The following ZNF577 variants were observed in gnomAD, a reference collection of about 807,000 sequenced individuals.
ZNF577 encodes zinc finger protein 577.
In ZNF577, 14 loss-of-function variants were observed where a neutral mutation model predicts 13.9. The observed-to-expected ratio is 1.00, with a 90% CI of 0.66 to 1.57. The LOEUF (loss-of-function observed/expected upper bound fraction) is 1.57. ZNF577 is among the 40% of genes most tolerant of loss of function. ZNF577 has a pLI of 0.00. For missense variants in ZNF577, 555 were observed against 579.2 expected (o/e 0.96, Z 0.43); for synonymous variants, 203 against 202.9 (o/e 1.00, Z 0.00).
At chr19:51,829,741 G>A (rs1485288453) in intron 9 of ZNF577, among the ~76,000 whole-genome samples, 2 of 152,186 alleles carry the variant, frequency 1.3e-5, no homozygotes, top group Non-Finnish European at 2.9e-5. Context: ...AAAGGATCAA[G>A]TCACCTAAGC....
chr19:51,850,424 T>C (rs2084373866), intron 5 of ZNF577, among the ~76,000 whole-genome samples: 1 of 152,206 alleles, frequency 6.6e-6, no homozygotes, highest in Admixed American at 6.5e-5. Context: ...ATTCTGCATA[T>C]TGTCGCAAAT....
At position 51,824,127 on chromosome 19, in the gene ZNF577, G is replaced by A; in HGVS notation, c.*600-12453C>T. Reference sequence around the variant, plus strand: ...CATTGCTCTGGACCGCTGTATTTGTGTCCTGCATCCAGCCTGGGCCCAGAA... The same window carrying A: ...CATTGCTCTGGACCGCTGTATTTGTATCCTGCATCCAGCCTGGGCCCAGAA... On this transcript the variant is annotated intron_variant and NMD_transcript_variant, in intron 9 of 10. Coordinates refer to the ZNF577 transcript ENST00000638827. The surrounding 1 kb of genome is among the most constrained non-coding windows in gnomAD (Gnocchi z 4.7). 3 of 1,613,922 alleles carry A rather than the reference G, an allele frequency of 1.9e-6. No individual in the cohort carries two copies. Among genetic ancestry groups the A allele is most frequent in the Non-Finnish European group, 2.5e-6 (3 of 1,179,904 alleles).
At chr19:51,883,748 A>G (rs2084900602) in intron 1 of ZNF577, among the ~76,000 whole-genome samples, 1 of 152,214 alleles carries the variant, frequency 6.6e-6, no homozygotes, top group Non-Finnish European at 1.5e-5. Flanking sequence ...ATGATCAGAA[A>G]AAAACTGAAT....
Position 51,878,407 on chromosome 19 carries a change from T to C in ZNF577, c.169A>G (p.Ile57Val), listed in dbSNP as rs1305576570. 2 of 1,614,128 alleles carry C rather than the reference T, an allele frequency of 1.2e-6. No individual in the cohort carries two copies. The highest frequency in any genetic ancestry group is 3.3e-5 in the Admixed American group (2 of 60,026). Residue 57 changes from isoleucine (I) to valine (V), a missense_variant, in exon 4 of 6, where the codon ATC (isoleucine) becomes GTC (valine). Coordinates refer to ENST00000638348, the MANE Select transcript of ZNF577 (RefSeq NM_001370449.1). ...TCCTTACCTATTGATACTAGGTTGA[T>C]GTAGTTCTCCAACATTACTTCCTTG... The part of the protein sequence containing the change: ...LYKEVMLENY[I>V]NLVSIGYRGT...
At position 51,871,772 on chromosome 19, in the gene ZNF577, AG is replaced by A. The variant is rs1438788350; in HGVS notation, c.*759del. ...ATTGGCCATTGCTGGTTTTGAAAGG[AG>A]GCCCCAAACCACAGAATTTGGGCAG... On this transcript the variant is annotated 3_prime_UTR_variant, in exon 6 of 6. Transcript: ENST00000638348. The A allele has an allele frequency of 3.9e-5, 6 of 152,116 alleles. No homozygotes were observed. Among genetic ancestry groups the A allele is most frequent in the African/African-American group, 1.4e-4 (6 of 41,408 alleles). 9.4% of individuals were successfully genotyped at this position (152,116 alleles called of 1,614,324 possible). A position where few individuals can be genotyped will look rare whatever the true frequency, so the allele number is the denominator to read the frequency against.
At chr19:51,826,382 A>G (rs1205420833) in intron 9 of ZNF577, among the ~76,000 whole-genome samples, 1 of 152,210 alleles carries the variant, frequency 6.6e-6, no homozygotes, top group Non-Finnish European at 1.5e-5. Context: ...TCTTTGTTAA[A>G]CATTTAGAAA....
chr19:51,820,113 G>C (rs544109713), intron 9 of ZNF577, among the ~76,000 whole-genome samples: 1 of 152,224 alleles, frequency 6.6e-6, no homozygotes. Context: ...CATCAGCTGA[G>C]AGTGGAATAG....
At chr19:51,840,442 G>C (rs955422926) in intron 8 of ZNF577, 2 of 152,358 alleles carry the variant, frequency 1.3e-5, no homozygotes, top group Non-Finnish European at 2.9e-5. Flanking sequence ...TGTTTGTCGA[G>C]AGAAGTCTTA....
chr19:51,877,409 C>T (rs754404942), intron 4 of ZNF577, 32 bp from the exon 5 acceptor site: 24 of 1,572,446 alleles, frequency 1.5e-5, no homozygotes, highest in African/African-American at 5.4e-5. Context: ...ACACTTGGCA[C>T]GTGTGCTTGG....
intron 9 of ZNF577, chr19:51,823,942 T>G (rs1383817921): frequency 1.9e-6 from 3 of 1,614,016 alleles, no homozygotes; most frequent in Admixed American, 1.7e-5. Context: ...ATCTGTTACC[T>G]GAACCTGGCC....
intron 3 of ZNF577, among the ~76,000 whole-genome samples, chr19:51,879,189 A>G (rs1402660432): frequency 3.3e-5 from 5 of 151,904 alleles, no homozygotes; most frequent in South Asian, 2.1e-4. Flanking sequence ...CCCGGGAGGC[A>G]GAGCTTGCAG....
At chr19:51,877,848 G>A in intron 4 of ZNF577, 1 of 156,202 alleles carries the variant, frequency 6.4e-6, no homozygotes, top group Non-Finnish European at 1.4e-5. Flanking sequence ...GCTAAAACAT[G>A]GAAGCAACCC....
chr19:51,841,754 A>G (rs2084322089), intron 8 of ZNF577, among the ~76,000 whole-genome samples: 1 of 152,198 alleles, frequency 6.6e-6, no homozygotes, highest in Non-Finnish European at 1.5e-5. Flanking sequence ...CCTCATCTGT[A>G]CTAAAAATAC....
rs1394459664 is a variant in ZNF577 at position 51,870,616 on chromosome 19, G to A, written c.*1916C>T. On this transcript the variant is annotated 3_prime_UTR_variant, in exon 6 of 6. Transcript: ENST00000638348. ...CCTGTTCTTCCTCCAGCCTAGGGGG[G>A]GTTTCTCACATACATATGCTGATTA... Among the ~76,000 whole-genome samples, 1 of 147,308 alleles carries A rather than the reference G, an allele frequency of 6.8e-6. No homozygotes were observed. Among genetic ancestry groups the A allele is most frequent in the Admixed American group, 6.8e-5 (1 of 14,776 alleles).
chr19:51,883,101 C>T (rs902491602), intron 1 of ZNF577, among the ~76,000 whole-genome samples: 5 of 150,828 alleles, frequency 3.3e-5, no homozygotes, highest in African/African-American at 1.2e-4. Flanking sequence ...TCAAGCAATT[C>T]TCTGCCTCAG....
chr19:51,880,271 G>C (rs1257267669), intron 3 of ZNF577, 52 bp downstream of exon 3: 1 of 1,571,732 alleles, frequency 6.4e-7, no homozygotes, highest in African/African-American at 1.4e-5. Context: ...AACCACAAAA[G>C]CTCTCTGAAG....
At chr19:51,854,042 ATTC>A (rs1188819476) in intron 5 of ZNF577, among the ~76,000 whole-genome samples, 3 of 152,128 alleles carry the variant, frequency 2.0e-5, no homozygotes, top group African/African-American at 7.3e-5. Context: ...CTGCTATACT[ATTC>A]TTTAAGTTTT....
chr19:51,807,257 G>T (rs1204520638), intron 10 of ZNF577, among the ~76,000 whole-genome samples: 1 of 152,158 alleles, frequency 6.6e-6, no homozygotes, highest in Non-Finnish European at 1.5e-5. Context: ...TTCACAGCAG[G>T]CTTGCAAGAC....
intron 1 of ZNF577, among the ~76,000 whole-genome samples, chr19:51,884,893 T>G (rs1487474065): frequency 6.6e-6 from 1 of 152,248 alleles, no homozygotes; most frequent in East Asian, 1.9e-4. Context: ...CAGCATGTTC[T>G]GAATTGATAG....
Sources: gnomAD v4.1 joint callset for allele counts (sites outside exome capture counted in the v4.1 genomes callset) on GRCh38, gnomAD v4.1.1 for gene constraint, Gnocchi (gnomAD v3.1) non-coding constraint, MANE v1.5 for transcripts, NCBI Gene and HGNC (gene_info 2026-07-23, HGNC 2026-07-21) for gene names.